Variants in TFAP2A observed in about 807,000 individuals in gnomAD.
TFAP2A encodes transcription factor AP-2 alpha, also known as transcription factor AP-2-alpha.
TFAP2A carries 7 observed loss-of-function variants against 41.5 expected under a neutral mutation model. That is an observed-to-expected ratio of 0.17 (90% CI 0.10 to 0.32). The LOEUF is 0.32. Among genes scored for constraint, TFAP2A ranks in the 10% least tolerant of loss-of-function variants. The pLI is 1.00. For synonymous variants in TFAP2A, 247 were observed against 242.8 expected, an observed-to-expected ratio of 1.02 and a Z score of -0.16; for missense variants, 416 against 563.3, an observed-to-expected ratio of 0.74 and a Z score of 2.65.
upstream of TFAP2A, chr6:10,415,086 CAGGAGG>C (rs904750524): frequency 3.1e-5 from 49 of 1,597,780 alleles, no homozygotes; most frequent in Admixed American, 6.7e-4. Flanking sequence ...GCGGTGAGCG[CAGGAGG>C]AGGAGGAGGA....
chr6:10,413,044 G>T (rs909342517), intron 1 of TFAP2A, among the ~76,000 whole-genome samples: 2 of 152,096 alleles, frequency 1.3e-5, no homozygotes, highest in Non-Finnish European at 2.9e-5. Flanking sequence ...GGCCACTCCC[G>T]CCTGACGCCC....
At chr6:10,415,607 G>A (rs576122907), upstream of TFAP2A, 13 of 174,894 alleles carry the variant, frequency 7.4e-5, no homozygotes, top group Non-Finnish European at 1.6e-4. Context: ...CTGGGGCCCA[G>A]CTTCTAGCAC....
chr6:10,410,099 T>C lies in TFAP2A; in HGVS notation c.288A>G (p.Pro96=), dbSNP rs1047602511. ...PLHAQPQPQH[P]GWPGQRQSQE... is the part of the protein sequence containing the mutation. Reference sequence around the variant, plus strand: ...GGCTCTGCCTCTGGCCGGGCCAGCCTGGGTGCTGCGGCTGCGGCTGGGCGT... The same window carrying C: ...GGCTCTGCCTCTGGCCGGGCCAGCCCGGGTGCTGCGGCTGCGGCTGGGCGT... The change falls in exon 2 of 7, where the codon CCA becomes CCG. Residue 96 remains proline, a synonymous_variant. Transcript: ENST00000379613. 10 of 1,612,232 alleles carry C rather than the reference T, an allele frequency of 6.2e-6. No individual in the cohort carries two copies. The highest frequency in any genetic ancestry group is 8.5e-6 in the Non-Finnish European group (10 of 1,179,722).
At chr6:10,400,306 C>G in intron 6 of TFAP2A, 142 bp downstream of exon 6, 1 of 1,003,044 alleles carries the variant, frequency 1.0e-6, no homozygotes, top group Non-Finnish European at 1.5e-6. Context: ...TTAACATAGA[C>G]TATATATAAG....
chr6:10,415,006 G>A lies in TFAP2A; in HGVS notation c.-15C>T. ...AGCATTTTCATGGATCGGCGTGAACGGATATGCCCCTCTCGGTCTCGCACC... is the reference window on the plus strand; with the variant it reads ...AGCATTTTCATGGATCGGCGTGAACAGATATGCCCCTCTCGGTCTCGCACC... On this transcript the variant is annotated 5_prime_UTR_variant, in exon 1 of 7. Transcript: ENST00000379613. 6.2e-7 allele frequency: 1 copy of A among 1,614,156 alleles called. No homozygotes were observed. The highest frequency in any genetic ancestry group is 8.5e-7 in the Non-Finnish European group (1 of 1,180,032).
chr6:10,399,943 T>TGTGTGTCA (rs1561705099), intron 6 of TFAP2A, among the ~76,000 whole-genome samples: 1 of 152,058 alleles, frequency 6.6e-6, no homozygotes, highest in African/African-American at 2.4e-5. Flanking sequence ...TGTGTGTGTG[T>TGTGTGTCA]GTCACTTTCG....
rs1335396861 is a variant in TFAP2A at position 10,397,814 on chromosome 6, G to A, written c.*603C>T. On this transcript the variant is annotated 3_prime_UTR_variant, in exon 7 of 7. Coordinates refer to ENST00000379613, the MANE Select transcript of TFAP2A (RefSeq NM_001372066.1). ...TTCAAGTTGGTCGCTTTACCTTAAAGAGGAAAAACTTCTACAACTGAAGAC... is the reference window on the plus strand; with the variant it reads ...TTCAAGTTGGTCGCTTTACCTTAAAAAGGAAAAACTTCTACAACTGAAGAC... The A allele has an allele frequency of 2.0e-5, 20 of 983,648 alleles. No individual in the cohort carries two copies. Among genetic ancestry groups the A allele is most frequent in the Non-Finnish European group, 2.4e-5 (20 of 828,086 alleles). 60.9% of individuals were successfully genotyped at this position (983,648 alleles called of 1,614,324 possible).
chr6:10,413,020 C>CA (rs1231405076), intron 1 of TFAP2A: 2 of 152,304 alleles, frequency 1.3e-5, no homozygotes, highest in Non-Finnish European at 2.9e-5. Context: ...GGCAAAAACC[C>CA]GTCCGACTGG....
chr6:10,398,296 G>C lies in TFAP2A; in HGVS notation c.*121C>G. The C allele has an allele frequency of 6.3e-7, 1 of 1,577,052 alleles. No homozygotes were observed. The highest frequency in any genetic ancestry group is 1.1e-5 in the South Asian group (1 of 88,288). ...CAAGGGCAGCGGCGGCGGCGGCGGC[G>C]GCAGCAGCAGCAGCAGTAGCAGCAG... is the stretch of plus-strand genomic sequence containing the variant. On this transcript the variant is annotated 3_prime_UTR_variant, in exon 7 of 7. Transcript: ENST00000379613. This position sits in a 1 kb window ranked among gnomAD's most constrained non-coding sequence, Gnocchi z 5.3.
At chr6:10,417,691 G>C (rs1429867558), upstream of TFAP2A, among the ~76,000 whole-genome samples, 1 of 152,148 alleles carries the variant, frequency 6.6e-6, no homozygotes, top group Non-Finnish European at 1.5e-5. Context: ...TCTTTTCTCC[G>C]ATTGTCAATG....
chr6:10,401,933 A>T (rs1003857533), intron 5 of TFAP2A: 30 of 241,234 alleles, frequency 1.2e-4, no homozygotes, highest in Non-Finnish European at 2.0e-4. Flanking sequence ...TGCAATGCTT[A>T]TATTTATCTT....
At chr6:10,414,403 G>T (rs948170648) in intron 1 of TFAP2A, among the ~76,000 whole-genome samples, 43 of 152,078 alleles carry the variant, frequency 2.8e-4, no homozygotes, top group African/African-American at 8.9e-4. Context: ...AGCGAAGTGT[G>T]GGGGGGCCGT....
chr6:10,400,313 T>C lies in TFAP2A; in HGVS notation c.1031+135A>G, dbSNP rs1761960245. The C allele has an allele frequency of 2.8e-6, 3 of 1,077,312 alleles. No homozygotes were observed. In the South Asian group the frequency reaches 3.9e-5, roughly 14 times the overall value. The allele number at this position is 1,077,312 out of a possible 1,614,324, so 66.7% of individuals were successfully genotyped here. The stretch of plus-strand genomic sequence containing the variant: ...TTTCTTCCTTAACATAGACTATATA[T>C]AAGATGGTGTTATAACTGCAACAAA... On this transcript the variant is annotated intron_variant, in intron 6 of 6. Transcript: ENST00000379613.
rs909590607 is a variant in TFAP2A at position 10,398,313 on chromosome 6, T to C, written c.*104A>G. 8.2e-5 allele frequency: 130 copies of C among 1,592,406 alleles called. No individual in the cohort carries two copies. Among genetic ancestry groups the C allele is most frequent in the East Asian group, 1.1e-4 (5 of 44,316 alleles). ...GCGGCGGCGGCAGCAGCAGCAGCAG[T>C]AGCAGCAGCAGGAAGGGTTGCTGAT... On this transcript the variant is annotated 3_prime_UTR_variant, in exon 7 of 7. Coordinates refer to ENST00000379613, the MANE Select transcript of TFAP2A (RefSeq NM_001372066.1). This position sits in a 1 kb window ranked among gnomAD's most constrained non-coding sequence, Gnocchi z 5.3.
At chr6:10,413,866 GAAA>G (rs34252834) in intron 1 of TFAP2A, among the ~76,000 whole-genome samples, 3 of 144,378 alleles carry the variant, frequency 2.1e-5, no homozygotes, top group African/African-American at 5.1e-5. Context: ...TGCCAAAAAA[GAAA>G]AAAAAAAAAA....
chr6:10,404,821 C>T, intron 3 of TFAP2A, 82 bp from the exon 4 acceptor site: 2 of 1,310,876 alleles, frequency 1.5e-6, no homozygotes, highest in Non-Finnish European at 2.2e-6. Context: ...TCATCCCGGC[C>T]AGGGCCGGAT....
At chr6:10,411,550 G>C (rs781544429) in intron 1 of TFAP2A, 5 of 1,613,894 alleles carry the variant, frequency 3.1e-6, no homozygotes, top group African/African-American at 1.3e-5. Flanking sequence ...AACAGCAACG[G>C]GGGTGGGGAT....
chr6:10,398,756 G>C lies in TFAP2A; in HGVS notation c.1032-51C>G. 1 of 1,593,876 alleles carries C rather than the reference G, an allele frequency of 6.3e-7. No homozygotes were observed. Among genetic ancestry groups the C allele is most frequent in the Non-Finnish European group, 8.6e-7 (1 of 1,166,732 alleles). On this transcript the variant is annotated intron_variant, in intron 6 of 6. Transcript: ENST00000379613. This position sits in a 1 kb window ranked among gnomAD's most constrained non-coding sequence, Gnocchi z 5.3. ...GAGACATAAGGCTCCACTATGGGCA[G>C]CACTAGCAGCAAAGAGAAAACCTCC...
chr6:10,414,411 C>G (rs570660862), intron 1 of TFAP2A, among the ~76,000 whole-genome samples: 2 of 151,488 alleles, frequency 1.3e-5, no homozygotes, highest in Non-Finnish European at 2.9e-5. Flanking sequence ...GTGGGGGGGC[C>G]GTCTCTAAAG....
Sources: allele counts gnomAD v4.1 joint callset (sites outside exome capture counted in the v4.1 genomes callset), GRCh38; gene constraint gnomAD v4.1.1; non-coding constraint Gnocchi (gnomAD v3.1); transcripts MANE v1.5; gene names NCBI Gene and HGNC (gene_info 2026-07-23, HGNC 2026-07-21).